CDKAL1: variants seen among roughly 807,000 people sequenced by gnomAD.
The protein encoded by CDKAL1 is CDKAL1 threonylcarbamoyladenosine tRNA methylthiotransferase.
In CDKAL1, 32 loss-of-function variants were observed where a neutral mutation model predicts 68.2. That is an observed-to-expected ratio of 0.47 (90% confidence interval 0.35 to 0.63). The LOEUF is 0.63. Ranked by LOEUF, CDKAL1 falls within the 30% of genes least tolerant of loss-of-function variation. The pLI is 0.00. For synonymous variants in CDKAL1, 234 were observed against 244.3 expected (o/e 0.96, Z 0.39); for missense variants, 606 against 696.7 (o/e 0.87, Z 1.47).
At position 20,986,307 on chromosome 6, in the gene CDKAL1, A is replaced by T. The variant is rs577370023; in HGVS notation, c.910-13920A>T. On this transcript the variant is annotated intron_variant, in intron 10 of 15. Coordinates refer to ENST00000274695, the MANE Select transcript of CDKAL1 (RefSeq NM_017774.3). ...TCTCAAACTCACTAGATAGTATCAC[A>T]TATAATTTTATAATTTAGTTGTTTC... 1.8e-4 allele frequency among the ~76,000 whole-genome samples: 27 copies of T among 152,304 alleles called. 1 individual carries two copies. The South Asian group carries it at 3.7e-3, about 21-fold the overall frequency.
intron 6 of CDKAL1, among the ~76,000 whole-genome samples, chr6:20,755,534 C>T (rs144660121): frequency 2.6e-5 from 4 of 152,166 alleles, no homozygotes; most frequent in African/African-American, 4.8e-5. Flanking sequence ...TGCCAAACTT[C>T]GTCTCATCTA....
chr6:20,966,504 A>C (rs1765321951), intron 10 of CDKAL1, among the ~76,000 whole-genome samples: 1 of 152,218 alleles, frequency 6.6e-6, no homozygotes, highest in Non-Finnish European at 1.5e-5. Flanking sequence ...AGGATGCTGC[A>C]TGTAGGCCAG....
At chr6:20,998,186 G>GT (rs1163766129) in intron 10 of CDKAL1, among the ~76,000 whole-genome samples, 1 of 152,130 alleles carries the variant, frequency 6.6e-6, no homozygotes, top group African/African-American at 2.4e-5. Flanking sequence ...ATTTGGGGGG[G>GT]ATTTTGATGT....
chr6:21,090,907 C>T (rs1368330824), intron 12 of CDKAL1, among the ~76,000 whole-genome samples: 11 of 150,510 alleles, frequency 7.3e-5, no homozygotes, highest in Non-Finnish European at 1.0e-4. Context: ...CTGGGTCACA[C>T]GATCCTCCTG....
intron 13 of CDKAL1, among the ~76,000 whole-genome samples, chr6:21,182,117 G>A (rs1209638558): frequency 3.3e-5 from 5 of 152,124 alleles, no homozygotes. Flanking sequence ...AAGTCTATGT[G>A]AAAGTGAAAA....
At chr6:20,868,364 TTCA>T (rs1760017983) in intron 9 of CDKAL1, among the ~76,000 whole-genome samples, 1 of 152,224 alleles carries the variant, frequency 6.6e-6, no homozygotes, top group African/African-American at 2.4e-5. Flanking sequence ...CTCTTTGTAC[TTCA>T]TCATTGTAAT....
chr6:21,151,596 C>T (rs115445259), intron 13 of CDKAL1, among the ~76,000 whole-genome samples: 96 of 152,160 alleles, frequency 6.3e-4, no homozygotes, highest in South Asian at 1.5e-3. Flanking sequence ...ACAACAAAAA[C>T]AGTAGAGGAC....
intron 10 of CDKAL1, among the ~76,000 whole-genome samples, chr6:20,987,164 A>ACCTATGTAAGGT (rs1201341436): frequency 1.3e-5 from 2 of 152,090 alleles, no homozygotes; most frequent in African/African-American, 4.8e-5. Context: ...AAGATGCCTT[A>ACCTATGTAAGGT]AGTTTTGGTT....
At chr6:21,000,444 A>G in intron 11 of CDKAL1, 72 bp downstream of exon 11, 1 of 1,311,716 alleles carries the variant, frequency 7.6e-7, no homozygotes, top group Non-Finnish European at 1.1e-6. Context: ...AAATGCACTT[A>G]TTGCAGCCTT....
chr6:21,229,810 C>T (rs936285905), intron 15 of CDKAL1, among the ~76,000 whole-genome samples: 2 of 152,166 alleles, frequency 1.3e-5, no homozygotes, highest in South Asian at 2.1e-4. Flanking sequence ...GTGAAAATAT[C>T]ATCAATTGTG....
intron 12 of CDKAL1, among the ~76,000 whole-genome samples, chr6:21,072,885 T>C (rs1036239508): frequency 1.3e-5 from 2 of 152,164 alleles, no homozygotes; most frequent in Non-Finnish European, 2.9e-5. Context: ...CTAGGTGGTA[T>C]ACATTATATG....
intron 5 of CDKAL1, among the ~76,000 whole-genome samples, chr6:20,714,748 T>G (rs1772012556): frequency 1.3e-5 from 2 of 152,018 alleles, no homozygotes; most frequent in Admixed American, 6.6e-5. Context: ...AGTCTAGAAT[T>G]TTAACTTAAC....
chr6:20,915,581 A>G (rs544384420), intron 9 of CDKAL1, among the ~76,000 whole-genome samples: 1 of 152,202 alleles, frequency 6.6e-6, no homozygotes, highest in East Asian at 1.9e-4. Flanking sequence ...AAAAATTTTT[A>G]TGACATCTGG....
intron 5 of CDKAL1, among the ~76,000 whole-genome samples, chr6:20,671,171 C>G (rs1769796678): frequency 6.6e-6 from 1 of 152,166 alleles, no homozygotes; most frequent in African/African-American, 2.4e-5. Flanking sequence ...TGCAACCCCT[C>G]AAATGGAATT....
chr6:20,614,277 G>A (rs1766783476), intron 4 of CDKAL1, among the ~76,000 whole-genome samples: 1 of 151,872 alleles, frequency 6.6e-6, no homozygotes, highest in Non-Finnish European at 1.5e-5. Context: ...CTTTATCAGT[G>A]TTTTCTTTTA....
chr6:21,000,348 G>C lies in CDKAL1; in HGVS notation c.1031G>C (p.Arg344Thr). The C allele has an allele frequency of 1.2e-6, 2 of 1,613,552 alleles. No homozygotes were observed. Among genetic ancestry groups the C allele is most frequent in the Non-Finnish European group, 1.7e-6 (2 of 1,179,668 alleles). The part of the protein sequence containing the change: ...KREYCVADFK[R>T]VVDFLKEKVP... ...GAATACTGTGTGGCTGACTTCAAAA[G>C]AGTAGTGGATTTTCTGAAAGAGAAG... The change falls in exon 11 of 16, where the codon AGA becomes ACA. Residue 344 changes from arginine (R) to threonine (T), a missense_variant. Arg to Thr is a moderately conservative substitution (Grantham distance 71). Coordinates refer to ENST00000274695, the MANE Select transcript of CDKAL1 (RefSeq NM_017774.3).
chr6:21,160,362 A>C (rs1482261892), intron 13 of CDKAL1, among the ~76,000 whole-genome samples: 1 of 151,576 alleles, frequency 6.6e-6, no homozygotes, highest in African/African-American at 2.4e-5. Flanking sequence ...CAGTGGCGCA[A>C]TCTCGGCTCA....
intron 5 of CDKAL1, among the ~76,000 whole-genome samples, chr6:20,679,769 G>A (rs965668335): frequency 6.6e-5 from 10 of 151,934 alleles, no homozygotes; most frequent in South Asian, 6.2e-4. Flanking sequence ...ATTTGCCTTC[G>A]TTCATTATTT....
chr6:20,854,815 A>G (rs1276554782), intron 9 of CDKAL1, among the ~76,000 whole-genome samples: 1 of 152,236 alleles, frequency 6.6e-6, no homozygotes, highest in African/African-American at 2.4e-5. Flanking sequence ...AAAACAGTTT[A>G]CAAACATGCA....
Sources: allele counts gnomAD v4.1 joint callset (sites outside exome capture counted in the v4.1 genomes callset), GRCh38; gene constraint gnomAD v4.1.1; transcripts MANE v1.5; gene names NCBI Gene and HGNC (gene_info 2026-07-23, HGNC 2026-07-21).